The following COQ8B variants were observed in gnomAD, a reference collection of about 807,000 sequenced individuals.
COQ8B encodes the protein atypical kinase COQ8B, mitochondrial.
In COQ8B, 44 loss-of-function variants were observed where a neutral mutation model predicts 62.0. That is an observed-to-expected ratio of 0.71 (90% CI 0.56 to 0.91). The LOEUF is 0.91. COQ8B is among the 40% of genes least tolerant of loss of function. The probability of loss-of-function intolerance (pLI) is 0.00; values close to 1 mark genes in which losing one functional copy is unlikely to be tolerated. For missense variants in COQ8B, 649 were observed against 731.6 expected, an observed-to-expected ratio of 0.89 and a Z score of 1.30; for synonymous variants, 252 against 289.9, an observed-to-expected ratio of 0.87 and a Z score of 1.33.
In COQ8B at chr19:40,714,574, ACAGTCTGGCC is replaced by A. The variant is rs775858878; in HGVS notation, c.49_58del (p.Gly17LeufsTer56). 2 of 1,613,180 alleles carry A rather than the reference ACAGTCTGGCC, an allele frequency of 1.2e-6. No homozygotes were observed. The highest frequency in any genetic ancestry group is 1.1e-5 in the South Asian group (1 of 90,952). ...CCCCAGGGCCCCACAAGGCCAACCA[ACAGTCTGGCC>A]CAGCTGTCCACCGGTCCCCCGAAGT... On this transcript the variant is annotated frameshift_variant, in exon 2 of 15. Transcript: ENST00000324464. LOFTEE classifies it high-confidence loss of function.
Position 40,716,625 on chromosome 19 carries a change from G to C in COQ8B, c.-42C>G, listed in dbSNP as rs1372759374. The C allele has an allele frequency of 6.6e-6, 1 of 152,330 alleles. No individual in the cohort carries two copies. The highest frequency in any genetic ancestry group is 6.5e-5 in the Admixed American group (1 of 15,284). 9.4% of individuals were successfully genotyped at this position (152,330 alleles called of 1,614,324 possible). A position where few individuals can be genotyped will look rare whatever the true frequency, so the allele number is the denominator to read the frequency against. On this transcript the variant is annotated 5_prime_UTR_variant, in exon 1 of 15. Coordinates refer to ENST00000324464, the MANE Select transcript of COQ8B (RefSeq NM_024876.4). ...GAGCGTAAGTCATTTGCTCAGGGTA[G>C]CGGAGCTGGGAACTGGCAGAGGAAG... is the stretch of plus-strand genomic sequence containing the variant.
chr19:40,705,686 A>G (rs1599633723), intron 5 of COQ8B, among the ~76,000 whole-genome samples: 1 of 152,212 alleles, frequency 6.6e-6, no homozygotes, highest in South Asian at 2.1e-4. Context: ...GCTCGCGCCT[A>G]TAATCCCAAC....
intron 5 of COQ8B, among the ~76,000 whole-genome samples, chr19:40,705,933 A>G (rs912568492): frequency 2.2e-4 from 30 of 135,118 alleles, no homozygotes; most frequent in South Asian, 4.5e-4. Context: ...CTGTCTCGGG[A>G]AAAAAAAAAA....
At chr19:40,704,920 C>T (rs925355027) in intron 7 of COQ8B, 176 bp downstream of exon 7, 54 of 617,866 alleles carry the variant, frequency 8.7e-5, no homozygotes, top group Non-Finnish European at 1.4e-5. Flanking sequence ...GGCTGCTGTT[C>T]CCTGTTTTAA....
rs1041705893 is a variant in COQ8B at position 40,695,912 on chromosome 19, G to A, written c.1209+77C>T. 2.5e-5 allele frequency: 36 copies of A among 1,413,586 alleles called. 1 individual carries two copies. The highest frequency in any genetic ancestry group is 1.4e-4 in the Admixed American group (8 of 57,406). The allele number at this position is 1,413,586 out of a possible 1,614,324, so 87.6% of individuals were successfully genotyped here. ...TTCTTAATTCCAGAAACTGCATTTC[G>A]CCTTCTTACTCCTCTGCCTCAGTAT... On this transcript the variant is annotated intron_variant, in intron 13 of 14. Transcript: ENST00000324464.
At chr19:40,713,299 T>C (rs1478381461) in intron 4 of COQ8B, among the ~76,000 whole-genome samples, 6 of 152,052 alleles carry the variant, frequency 3.9e-5, no homozygotes, top group African/African-American at 1.4e-4. Context: ...AGCGAGGACA[T>C]AGCAGAGTCA....
At chr19:40,710,277 C>T (rs1462783063) in intron 4 of COQ8B, 141 bp from the exon 5 acceptor site, 4 of 752,464 alleles carry the variant, frequency 5.3e-6, no homozygotes, top group Non-Finnish European at 8.5e-6. Flanking sequence ...TGGAGTCTCG[C>T]TCTGTTGCCC....
intron 10 of COQ8B, among the ~76,000 whole-genome samples, chr19:40,701,827 G>A (rs374295886): frequency 1.3e-5 from 2 of 152,120 alleles, no homozygotes; most frequent in African/African-American, 2.4e-5. Flanking sequence ...AGCTTGGCAC[G>A]TTTTAGGCTG....
At chr19:40,692,724 C>A (rs910920746) in intron 14 of COQ8B, among the ~76,000 whole-genome samples, 6 of 151,972 alleles carry the variant, frequency 3.9e-5, no homozygotes, top group Non-Finnish European at 1.5e-5. Context: ...CCACTCCTCC[C>A]CAAAGCCCCC....
chr19:40,715,552 C>T, intron 1 of COQ8B: 1 of 985,608 alleles, frequency 1.0e-6, no homozygotes, highest in Non-Finnish European at 1.2e-6. Flanking sequence ...CATTCTGGCA[C>T]CCAACCTCCT....
rs745373214 is a variant in COQ8B at position 40,692,946 on chromosome 19, C to A, written c.1296+5G>T. ...CAGCCCCTTTCTCCCCCAGTGTCTC[C>A]CCACCTTGGTTTCAAAGCCTGTGAG... On this transcript the variant is annotated splice_donor_5th_base_variant and intron_variant, in intron 14 of 14. Coordinates refer to ENST00000324464, the MANE Select transcript of COQ8B (RefSeq NM_024876.4). 8.7e-6 allele frequency: 14 copies of A among 1,613,798 alleles called. No individual in the cohort carries two copies. Among genetic ancestry groups the A allele is most frequent in the Non-Finnish European group, 1.2e-5 (14 of 1,179,796 alleles).
At chr19:40,703,246 G>C in intron 9 of COQ8B, 1 of 391,698 alleles carries the variant, frequency 2.6e-6, no homozygotes, top group East Asian at 4.5e-5. Flanking sequence ...GTCCTTTTCT[G>C]CTCTGCCGCA....
In COQ8B at chr19:40,705,346, C is replaced by A; in HGVS notation, c.469G>T (p.Gly157Cys). Residue 157 changes from glycine (G) to cysteine (C), a missense_variant, in exon 6 of 15, where the codon GGC becomes TGC. Gly to Cys is a radical substitution (Grantham distance 159). Coordinates refer to ENST00000324464, the MANE Select transcript of COQ8B (RefSeq NM_024876.4). Reference sequence around the variant, plus strand: ...GTACCCTGGATGCTGAGCATCTGGCCAACCTTGAGGGCGGCCCCTCGAACT... The same window carrying A: ...GTACCCTGGATGCTGAGCATCTGGCAAACCTTGAGGGCGGCCCCTCGAACT... ...CTVRGAALKV[G>C]QMLSIQDNSF... 1 of 1,595,626 alleles carries A rather than the reference C, an allele frequency of 6.3e-7. No homozygotes were observed. The highest frequency in any genetic ancestry group is 8.6e-7 in the Non-Finnish European group (1 of 1,165,804).
In COQ8B at chr19:40,693,650, G is replaced by A. The variant is rs755911963; in HGVS notation, c.1210-613C>T. Among the ~76,000 whole-genome samples, 10 of 152,144 alleles carry A rather than the reference G, an allele frequency of 6.6e-5. No homozygotes were observed. The East Asian group carries it at 1.2e-3, about 18-fold the overall frequency. ...TTCCGTCCCAGCTCTGCCACCTGCC[G>A]GCCTGTTGGGCCTCCACTTTCTCAT... On this transcript the variant is annotated intron_variant, in intron 13 of 14. Transcript: ENST00000324464.
intron 12 of COQ8B, among the ~76,000 whole-genome samples, chr19:40,697,851 T>TATATAGAG (rs1446181673): frequency 2.0e-4 from 11 of 54,726 alleles, no homozygotes; most frequent in Middle Eastern, 0.014. Flanking sequence ...TATATATATA[T>TATATAGAG]AGAGAGAGAG....
At position 40,700,344 on chromosome 19, in the gene COQ8B, TG is replaced by T. The variant is rs2082051750; in HGVS notation, c.1000del (p.Gln334SerfsTer5). ...MELAGGVPLD[Q>X]CQGLSQDLRN... ...CAGGTCCTGGCTTAGGCCCTGGCAC[TG>T]GTCCAGGGGGACCCCTCCAGCCAGC... On this transcript the variant is annotated frameshift_variant, in exon 11 of 15. Transcript: ENST00000324464. LOFTEE classifies it high-confidence loss of function. 6.2e-7 allele frequency: 1 copy of T among 1,614,172 alleles called. No individual in the cohort carries two copies. The highest frequency in any genetic ancestry group is 1.3e-5 in the African/African-American group (1 of 75,070).
chr19:40,703,533 C>T lies in COQ8B; in HGVS notation c.799+8G>A, dbSNP rs769957287. 6.9e-6 allele frequency: 11 copies of T among 1,592,988 alleles called. No homozygotes were observed. The highest frequency in any genetic ancestry group is 4.0e-5 in the African/African-American group (3 of 74,476). ...GGAGGTCAGCAGAGGAGTGGGTGGG[C>T]GCCTCACCCGCGGGCAGGGCCGCGC... is the stretch of plus-strand genomic sequence containing the variant. On this transcript the variant is annotated splice_region_variant and intron_variant, in intron 9 of 14. Transcript: ENST00000324464.
chr19:40,714,935 C>T lies in COQ8B; in HGVS notation c.-3-300G>A, dbSNP rs1218538625. 3 of 1,161,970 alleles carry T rather than the reference C, an allele frequency of 2.6e-6. No individual in the cohort carries two copies. In the East Asian group the frequency reaches 1.5e-4, roughly 60 times the overall value. The allele number at this position is 1,161,970 out of a possible 1,614,324, so 72.0% of individuals were successfully genotyped here. On this transcript the variant is annotated intron_variant, in intron 1 of 14. Coordinates refer to ENST00000324464, the MANE Select transcript of COQ8B (RefSeq NM_024876.4). ...TACCTCTCCACTTCTCTGAAACCCCCCTCGTTGCTATGCACCGCCTTCCCC... is the reference window on the plus strand; with the variant it reads ...TACCTCTCCACTTCTCTGAAACCCCTCTCGTTGCTATGCACCGCCTTCCCC...
intron 3 of COQ8B, 45 bp downstream of exon 3, chr19:40,714,233 A>G: frequency 6.2e-7 from 1 of 1,604,572 alleles, no homozygotes; most frequent in Non-Finnish European, 8.5e-7. Flanking sequence ...TCAGGGGGCC[A>G]GCAGTATTCG....
Sources: allele counts gnomAD v4.1 joint callset (sites outside exome capture counted in the v4.1 genomes callset), GRCh38; gene constraint gnomAD v4.1.1; transcripts MANE v1.5; gene names NCBI Gene and HGNC (gene_info 2026-07-23, HGNC 2026-07-21).